Variants in TM9SF3 observed in about 807,000 individuals in gnomAD.
The protein encoded by TM9SF3 is SM-11044-binding protein.
TM9SF3 carries 14 observed loss-of-function variants against 78.6 expected under a neutral mutation model. The ratio of observed to expected loss-of-function variants is 0.18; its 90% CI spans 0.12 to 0.28. TM9SF3 has a LOEUF of 0.28. TM9SF3 is among the 10% of genes least tolerant of loss of function. TM9SF3 has a pLI of 1.00. For missense variants in TM9SF3, 496 were observed against 721.9 expected (o/e 0.69, Z 3.59); for synonymous variants, 231 against 241.7 (o/e 0.96, Z 0.41).
At chr10:96,559,849 G>A in intron 4 of TM9SF3, 113 bp from the exon 5 acceptor site, 2 of 588,608 alleles carry the variant, frequency 3.4e-6, no homozygotes, top group South Asian at 5.3e-5. Context: ...AAATTCACTA[G>A]AGAAATGGAG....
intron 9 of TM9SF3, among the ~76,000 whole-genome samples, chr10:96,539,819 C>CA (rs1034340322): frequency 4.0e-5 from 6 of 150,138 alleles, no homozygotes; most frequent in South Asian, 2.1e-4. Flanking sequence ...GAAAAATGTC[C>CA]AAAAAAAAAG....
At chr10:96,540,787 T>TC (rs893958951) in intron 9 of TM9SF3, among the ~76,000 whole-genome samples, 2 of 134,546 alleles carry the variant, frequency 1.5e-5, no homozygotes, top group Non-Finnish European at 3.2e-5. Flanking sequence ...TTTTTTTTTT[T>TC]TTTTTTTGAG....
intron 14 of TM9SF3, among the ~76,000 whole-genome samples, chr10:96,523,154 T>C (rs1353240625): frequency 6.6e-6 from 1 of 151,864 alleles, no homozygotes. Flanking sequence ...ATTACTTTTG[T>C]ACCAACCTAC....
At chr10:96,585,060 T>C (rs1848613575) in intron 1 of TM9SF3, among the ~76,000 whole-genome samples, 1 of 152,206 alleles carries the variant, frequency 6.6e-6, no homozygotes, top group African/African-American at 2.4e-5. Context: ...TGTAAATTAT[T>C]CTAAAGCCTT....
intron 11 of TM9SF3, among the ~76,000 whole-genome samples, chr10:96,529,647 T>TA (rs72071295): frequency 0.18 from 26,460 of 147,744 alleles, 2,522 homozygotes; most frequent in Admixed American, 0.3. Context: ...GCTCTATATT[T>TA]AAAAAAAAAA....
chr10:96,563,885 C>G (rs1848339466), intron 3 of TM9SF3, among the ~76,000 whole-genome samples: 1 of 151,420 alleles, frequency 6.6e-6, no homozygotes, highest in African/African-American at 2.4e-5. Flanking sequence ...CAAGGACATC[C>G]AAAAGTATTT....
intron 14 of TM9SF3, among the ~76,000 whole-genome samples, chr10:96,523,202 T>C (rs1847799024): frequency 6.6e-6 from 1 of 151,886 alleles, no homozygotes; most frequent in African/African-American, 2.4e-5. Flanking sequence ...GTTATTGAAC[T>C]GTCAGAGAAG....
At chr10:96,544,396 G>A (rs927325884) in intron 8 of TM9SF3, among the ~76,000 whole-genome samples, 190 bp from the exon 9 acceptor site, 14 of 152,132 alleles carry the variant, frequency 9.2e-5, no homozygotes, top group Non-Finnish European at 1.3e-4. Context: ...CACTGGAAAA[G>A]AGCAATGACC....
chr10:96,574,928 T>TG (rs1010716527), intron 2 of TM9SF3, among the ~76,000 whole-genome samples: 27 of 151,664 alleles, frequency 1.8e-4, no homozygotes, highest in Non-Finnish European at 3.5e-4. Context: ...TGTCAGGGGG[T>TG]GGGGGGCTAG....
intron 1 of TM9SF3, among the ~76,000 whole-genome samples, chr10:96,577,851 C>T (rs1848515386): frequency 6.6e-6 from 1 of 152,156 alleles, no homozygotes. Flanking sequence ...CTATGGGGCA[C>T]ATAATAGAAG....
chr10:96,582,797 G>A (rs1647787986), intron 1 of TM9SF3, among the ~76,000 whole-genome samples: 1 of 151,996 alleles, frequency 6.6e-6, no homozygotes, highest in South Asian at 2.1e-4. Context: ...ATATACCATA[G>A]GGTCAGGCGC....
intron 9 of TM9SF3, 71 bp from the exon 10 acceptor site, chr10:96,533,261 C>T (rs1229626980): frequency 4.0e-6 from 6 of 1,499,094 alleles, no homozygotes; most frequent in Non-Finnish European, 2.7e-6. Flanking sequence ...AAAAGAGACA[C>T]AATTTAAACA....
chr10:96,525,125 A>T (rs546815217), intron 14 of TM9SF3, among the ~76,000 whole-genome samples: 1 of 152,016 alleles, frequency 6.6e-6, no homozygotes, highest in Non-Finnish European at 1.5e-5. Context: ...TCTCTGCATA[A>T]TCGATTCTAT....
chr10:96,537,894 A>G (rs998371831), intron 9 of TM9SF3, among the ~76,000 whole-genome samples: 6 of 152,240 alleles, frequency 3.9e-5, no homozygotes, highest in African/African-American at 1.4e-4. Context: ...AATTAAAGGT[A>G]TCTAAATAAG....
chr10:96,586,707 GCGGCCGCGCCGGC>G lies in TM9SF3; in HGVS notation c.102+14_102+26del. ...TGGGCAACTGGGGAGCTAGCCCGGG[GCGGCCGCGCCGGC>G]CGGGGCGCCTCACCGTGTGTTCGTG... is the stretch of plus-strand genomic sequence containing the variant. On this transcript the variant is annotated intron_variant, in intron 1 of 14. Transcript: ENST00000371142. 1 of 1,221,514 alleles carries G rather than the reference GCGGCCGCGCCGGC, an allele frequency of 8.2e-7. No individual in the cohort carries two copies. Among genetic ancestry groups the G allele is most frequent in the Non-Finnish European group, 1.0e-6 (1 of 980,920 alleles). The allele number at this position is 1,221,514 out of a possible 1,614,324, so 75.7% of individuals were successfully genotyped here.
At chr10:96,578,195 C>T (rs1348339632) in intron 1 of TM9SF3, among the ~76,000 whole-genome samples, 1 of 152,180 alleles carries the variant, frequency 6.6e-6, no homozygotes, top group African/African-American at 2.4e-5. Context: ...CCTCACTGTT[C>T]ATATAAGACA....
intron 10 of TM9SF3, 122 bp from the exon 11 acceptor site, chr10:96,530,730 G>T: frequency 1.1e-6 from 1 of 896,828 alleles, no homozygotes; most frequent in South Asian, 2.1e-5. Context: ...AAACAAACCA[G>T]TAAAATGAAA....
At chr10:96,571,287 T>C (rs1305609263) in intron 2 of TM9SF3, among the ~76,000 whole-genome samples, 1 of 152,130 alleles carries the variant, frequency 6.6e-6, no homozygotes. Flanking sequence ...ATGGGTTAGA[T>C]GGCCAGGTCC....
chr10:96,524,026 T>C (rs1366708166), intron 14 of TM9SF3, among the ~76,000 whole-genome samples: 2 of 151,780 alleles, frequency 1.3e-5, no homozygotes, highest in African/African-American at 2.4e-5. Flanking sequence ...CTAAGATTCA[T>C]GTCAGAATAA....
Sources: gnomAD v4.1 joint callset for allele counts (sites outside exome capture counted in the v4.1 genomes callset) on GRCh38, gnomAD v4.1.1 for gene constraint, MANE v1.5 for transcripts, NCBI Gene and HGNC (gene_info 2026-07-23, HGNC 2026-07-21) for gene names.